Variants in ACER3 observed in about 807,000 individuals in gnomAD.
The protein encoded by ACER3 is alkCDase 3.
A neutral mutation model predicts 48.9 loss-of-function variants in ACER3; 16 were observed. The ratio of observed to expected loss-of-function variants is 0.33; its 90% CI spans 0.22 to 0.50. The LOEUF (loss-of-function observed/expected upper bound fraction) is 0.50. Ranked by LOEUF, ACER3 falls within the 20% of genes least tolerant of loss-of-function variation. The pLI is 0.98. For synonymous variants in ACER3, 109 were observed against 107.8 expected (o/e 1.01, Z -0.07); for missense variants, 227 against 326.0 (o/e 0.70, Z 2.34).
rs1949544793 is a variant in ACER3, at chr11:77,025,902, C to T, written c.*5575C>T. 2 of 152,146 alleles carry T rather than the reference C, an allele frequency of 1.3e-5. No individual in the cohort carries two copies. The highest frequency in any genetic ancestry group is 1.3e-4 in the Admixed American group (2 of 15,284). The allele number at this position is 152,146 out of a possible 1,614,324, so 9.4% of individuals were successfully genotyped here. A position where few individuals can be genotyped will look rare whatever the true frequency, so the allele number is the denominator to read the frequency against. On this transcript the variant is annotated 3_prime_UTR_variant, in exon 11 of 11. Transcript: ENST00000532485. ...CTCTGCAAGGTGATTCTAGTGTGCA[C>T]TTGTCAGAATGAAAATATGTTATTC... is the stretch of plus-strand genomic sequence containing the variant.
intron 2 of ACER3, among the ~76,000 whole-genome samples, chr11:76,945,434 G>T (rs1406970129): frequency 6.6e-6 from 1 of 152,170 alleles, no homozygotes; most frequent in Non-Finnish European, 1.5e-5. Context: ...GATTTTGGGT[G>T]CCTGCAGTAG....
chr11:76,929,629 A>G (rs969920727), intron 2 of ACER3, among the ~76,000 whole-genome samples: 6 of 152,196 alleles, frequency 3.9e-5, no homozygotes, highest in Non-Finnish European at 2.9e-5. Context: ...ATTTTGAGAT[A>G]TGTCCCATCA....
At chr11:76,866,482 A>T (rs929814066) in intron 1 of ACER3, among the ~76,000 whole-genome samples, 6 of 152,232 alleles carry the variant, frequency 3.9e-5, no homozygotes, top group African/African-American at 1.4e-4. Context: ...TGTTATTTGT[A>T]TACTGATTTG....
At chr11:76,883,438 C>CTTTTTTTTTTTT (rs60656670) in intron 1 of ACER3, among the ~76,000 whole-genome samples, 2 of 98,936 alleles carry the variant, frequency 2.0e-5, no homozygotes, top group Non-Finnish European at 3.8e-5. Flanking sequence ...GATTTTCTTG[C>CTTTTTTTTTTTT]TTTTTTTTTT....
In ACER3 at chr11:76,998,660, T is replaced by C; in HGVS notation, c.439-103T>C. 4 of 734,798 alleles carry C rather than the reference T, an allele frequency of 5.4e-6. No homozygotes were observed. In the Admixed American group the frequency reaches 9.7e-5, roughly 18 times the overall value. 45.5% of individuals were successfully genotyped at this position (734,798 alleles called of 1,614,324 possible). A position where few individuals can be genotyped will look rare whatever the true frequency, so the allele number is the denominator to read the frequency against. ...TTCTTTAAAATGTAGTGAAGGATAA[T>C]AAATATTTACATTTAATTGGGAAGG... On this transcript the variant is annotated intron_variant, in intron 6 of 10. Transcript: ENST00000532485.
chr11:76,992,590 A>G (rs1948825575), intron 6 of ACER3, among the ~76,000 whole-genome samples: 1 of 152,214 alleles, frequency 6.6e-6, no homozygotes, highest in Non-Finnish European at 1.5e-5. Flanking sequence ...ATTAAAAATC[A>G]GGATAGAGAA....
chr11:76,986,430 C>T (rs1326769527), intron 5 of ACER3, among the ~76,000 whole-genome samples: 6 of 152,196 alleles, frequency 3.9e-5, no homozygotes, highest in Admixed American at 3.3e-4. Context: ...GAGGCACTTG[C>T]ACTAGAATTT....
chr11:76,972,705 G>T (rs111942555), intron 3 of ACER3, among the ~76,000 whole-genome samples: 61 of 152,318 alleles, frequency 4.0e-4, no homozygotes, highest in African/African-American at 1.3e-3. Context: ...CCAGTGAGGA[G>T]CCCCCAACTG....
At chr11:76,907,021 G>T (rs1051778457) in intron 1 of ACER3, among the ~76,000 whole-genome samples, 1 of 151,888 alleles carries the variant, frequency 6.6e-6, no homozygotes, top group African/African-American at 2.4e-5. Flanking sequence ...AAAGCGTCAC[G>T]TTGTATAGCA....
intron 1 of ACER3, among the ~76,000 whole-genome samples, chr11:76,917,793 C>T (rs983767488): frequency 6.8e-6 from 1 of 148,074 alleles, no homozygotes; most frequent in African/African-American, 2.5e-5. Context: ...CCCAAAAGGT[C>T]GAGGCTGCAG....
intron 1 of ACER3, among the ~76,000 whole-genome samples, chr11:76,877,698 A>T (rs772305222): frequency 1.4e-4 from 22 of 152,260 alleles, no homozygotes; most frequent in South Asian, 8.3e-4. Context: ...AAAGGAGGAC[A>T]GTCCTTTGGT....
intron 2 of ACER3, among the ~76,000 whole-genome samples, chr11:76,957,781 A>G (rs971770111): frequency 1.3e-5 from 2 of 151,980 alleles, no homozygotes; most frequent in African/African-American, 2.4e-5. Context: ...TTTGACAATT[A>G]CTTAACATAG....
At chr11:76,927,015 T>A (rs1185552768) in intron 2 of ACER3, among the ~76,000 whole-genome samples, 3 of 152,184 alleles carry the variant, frequency 2.0e-5, no homozygotes, top group Non-Finnish European at 4.4e-5. Flanking sequence ...TAAAACTCCT[T>A]TGTATTCCTC....
intron 9 of ACER3, 71 bp from the exon 10 acceptor site, chr11:77,019,660 T>A: frequency 6.9e-7 from 1 of 1,455,872 alleles, no homozygotes; most frequent in Non-Finnish European, 9.7e-7. Context: ...ATGGTTACGT[T>A]TGTCAGTACG....
At chr11:76,969,793 T>G (rs1948242548) in intron 3 of ACER3, among the ~76,000 whole-genome samples, 1 of 73,256 alleles carries the variant, frequency 1.4e-5, no homozygotes, top group Admixed American at 1.9e-4. Context: ...TGGGGCCTGT[T>G]GTGGGGTGGG....
intron 1 of ACER3, among the ~76,000 whole-genome samples, chr11:76,875,777 C>T (rs1298322395): frequency 1.7e-5 from 2 of 118,144 alleles, no homozygotes; most frequent in Non-Finnish European, 3.2e-5. Context: ...ACTGTGTTGC[C>T]GAGGCTGGAG....
At chr11:76,960,698 AG>A (rs1947966831) in intron 3 of ACER3, among the ~76,000 whole-genome samples, 1 of 152,066 alleles carries the variant, frequency 6.6e-6, no homozygotes, top group Admixed American at 6.5e-5. Context: ...GTGTCAACAT[AG>A]GGGGATAGTC....
At chr11:76,976,735 T>C (rs1376263230) in intron 4 of ACER3, among the ~76,000 whole-genome samples, 1 of 152,230 alleles carries the variant, frequency 6.6e-6, no homozygotes, top group Non-Finnish European at 1.5e-5. Flanking sequence ...AGTTGTATAG[T>C]GATCGTGTCA....
At chr11:76,984,834 G>T (rs1948655383) in intron 4 of ACER3, among the ~76,000 whole-genome samples, 1 of 152,050 alleles carries the variant, frequency 6.6e-6, no homozygotes, top group African/African-American at 2.4e-5. Flanking sequence ...TTTATTTACT[G>T]TAAGGATATG....
Sources: allele counts gnomAD v4.1 joint callset (sites outside exome capture counted in the v4.1 genomes callset), GRCh38; gene constraint gnomAD v4.1.1; transcripts MANE v1.5; gene names NCBI Gene and HGNC (gene_info 2026-07-23, HGNC 2026-07-21).